TRPC4: variants seen among roughly 807,000 people sequenced by gnomAD.
TRPC4 encodes the protein short transient receptor potential channel 4.
Under a neutral mutation model 99.4 loss-of-function variants are expected in TRPC4, and 49 were observed. The observed-to-expected ratio is 0.49, with a 90% CI of 0.39 to 0.63. TRPC4 has a LOEUF of 0.63. Among genes scored for constraint, TRPC4 ranks in the 20% least tolerant of loss-of-function variants. The pLI, the probability that TRPC4 is intolerant of heterozygous loss-of-function variation, is 0.00. For synonymous variants in TRPC4, 454 were observed against 425.9 expected (o/e 1.07, Z -0.81); for missense variants, 898 against 1,152.9 (o/e 0.78, Z 3.20).
intron 1 of TRPC4, among the ~76,000 whole-genome samples, chr13:37,856,100 T>C (rs931316476): frequency 6.6e-6 from 1 of 151,766 alleles, no homozygotes; most frequent in Non-Finnish European, 1.5e-5. Context: ...AAGTTTGTTT[T>C]TTGAAAAGAT....
rs1179750337 is a variant in TRPC4 at position 37,634,665 on chromosome 13, T to C, written c.*2238A>G. ...TCTGGTAAAGTATGTAAAATGGTTATGTATAGTGTCCTTACTTTGGGAAAA... is the reference window on the plus strand; with the variant it reads ...TCTGGTAAAGTATGTAAAATGGTTACGTATAGTGTCCTTACTTTGGGAAAA... On this transcript the variant is annotated 3_prime_UTR_variant, in exon 11 of 11. Transcript: ENST00000379705. Among the ~76,000 whole-genome samples the C allele has an allele frequency of 1.3e-5, 2 of 152,078 alleles. No individual in the cohort carries two copies. The highest frequency in any genetic ancestry group is 2.9e-5 in the Non-Finnish European group (2 of 67,990).
At chr13:37,840,396 A>G (rs1187772936) in intron 1 of TRPC4, among the ~76,000 whole-genome samples, 1 of 152,118 alleles carries the variant, frequency 6.6e-6, no homozygotes, top group East Asian at 1.9e-4. Context: ...ATAACTATAA[A>G]GGATAATCTT....
Position 37,632,664 on chromosome 13 carries a change from G to A in TRPC4, c.*4239C>T, listed in dbSNP as rs1951421027. Reference sequence around the variant, plus strand: ...CAACTGTACATTGTCCATCTCTAATGTTTTTCAGTTGAGAAGCTTTGATAT... The same window carrying A: ...CAACTGTACATTGTCCATCTCTAATATTTTTCAGTTGAGAAGCTTTGATAT... On this transcript the variant is annotated 3_prime_UTR_variant, in exon 11 of 11. Transcript: ENST00000379705. 6.6e-6 allele frequency among the ~76,000 whole-genome samples: 1 copy of A among 152,108 alleles called. No homozygotes were observed. Among genetic ancestry groups the A allele is most frequent in the African/African-American group, 2.4e-5 (1 of 41,410 alleles).
At chr13:37,685,240 T>C (rs1384975790) in intron 4 of TRPC4, among the ~76,000 whole-genome samples, 1 of 152,184 alleles carries the variant, frequency 6.6e-6, no homozygotes, top group African/African-American at 2.4e-5. Flanking sequence ...GGACACACGT[T>C]CTGAGCTGTT....
At chr13:37,811,528 C>G (rs965255475) in intron 1 of TRPC4, among the ~76,000 whole-genome samples, 1 of 152,172 alleles carries the variant, frequency 6.6e-6, no homozygotes, top group South Asian at 2.1e-4. Context: ...TGGGGAGAGG[C>G]AACACAGCTA....
chr13:37,855,436 G>A (rs917825401), intron 1 of TRPC4, among the ~76,000 whole-genome samples: 3 of 151,140 alleles, frequency 2.0e-5, no homozygotes, highest in African/African-American at 7.3e-5. Flanking sequence ...ATCACAGCTG[G>A]AGATTTCAAC....
chr13:37,800,091 A>T (rs1045341171), intron 1 of TRPC4, among the ~76,000 whole-genome samples: 1 of 152,246 alleles, frequency 6.6e-6, no homozygotes, highest in Non-Finnish European at 1.5e-5. Context: ...ATAAGCGCAT[A>T]TGAATAATTT....
At chr13:37,859,411 T>C (rs7991780) in intron 1 of TRPC4, among the ~76,000 whole-genome samples, 25,959 of 151,138 alleles carry the variant, frequency 0.17, 2,276 homozygotes, top group South Asian at 0.19. Context: ...TGTCAAACAG[T>C]AGAAATAAAA....
chr13:37,716,461 C>T (rs900703400), intron 3 of TRPC4, among the ~76,000 whole-genome samples: 6 of 152,130 alleles, frequency 3.9e-5, no homozygotes, highest in South Asian at 2.1e-4. Context: ...TTTGCCAATA[C>T]GGGGTAGCTC....
rs1375801992 is a variant in TRPC4, at chr13:37,842,352, A to T, written c.-28+27243T>A. ...AATGATAGCGTCTAGCCAAAAAAAAAAAAAAAAAAAAAAAAAAAGGAAAAG... is the reference window on the plus strand; with the variant it reads ...AATGATAGCGTCTAGCCAAAAAAAATAAAAAAAAAAAAAAAAAAGGAAAAG... On this transcript the variant is annotated intron_variant, in intron 1 of 10. Transcript: ENST00000379705. 1.4e-4 allele frequency among the ~76,000 whole-genome samples: 20 copies of T among 142,840 alleles called. 1 individual carries two copies. Among genetic ancestry groups the T allele is most frequent in the East Asian group, 1.2e-3 (6 of 4,992 alleles). The allele number at this position is 142,840 out of a possible 152,430, so 93.7% of individuals were successfully genotyped here. A position where few individuals can be genotyped will look rare whatever the true frequency, so the allele number is the denominator to read the frequency against.
chr13:37,746,442 A>T lies in TRPC4; in HGVS notation c.392T>A (p.Leu131His), dbSNP rs780570099. 1.3e-6 allele frequency: 2 copies of T among 1,549,008 alleles called. No homozygotes were observed. The highest frequency in any genetic ancestry group is 2.4e-5 in the South Asian group (2 of 85,100). Reference sequence around the variant, plus strand: ...GAATTCAGAGAACTGCTTATCAAGGAGTATAGGAGGCACCTAAAAAAAAAA... The same window carrying T: ...GAATTCAGAGAACTGCTTATCAAGGTGTATAGGAGGCACCTAAAAAAAAAA... ...PSGEKQVPPI[L>H]LDKQFSEFTP... is the part of the protein sequence containing the mutation. The change falls in exon 3 of 11, where the codon CTC becomes CAC. Residue 131 changes from leucine to histidine, a missense_variant. This residue lies in a region of TRPC4 where 278 missense variants were observed against 346.6 expected (regional missense o/e 0.80). Coordinates refer to ENST00000379705, the MANE Select transcript of TRPC4 (RefSeq NM_016179.4).
At chr13:37,865,759 G>GT (rs2139738576) in intron 1 of TRPC4, among the ~76,000 whole-genome samples, 1 of 151,724 alleles carries the variant, frequency 6.6e-6, no homozygotes, top group Admixed American at 6.6e-5. Flanking sequence ...TTACCATCAG[G>GT]TAGACGTAGT....
At chr13:37,798,560 A>C (rs986792141) in intron 1 of TRPC4, among the ~76,000 whole-genome samples, 1 of 152,204 alleles carries the variant, frequency 6.6e-6, no homozygotes, top group African/African-American at 2.4e-5. Flanking sequence ...AAAACCTCAT[A>C]GGCTCATGGT....
intron 7 of TRPC4, among the ~76,000 whole-genome samples, chr13:37,653,264 C>A (rs1186687108): frequency 6.6e-6 from 1 of 152,044 alleles, no homozygotes; most frequent in Non-Finnish European, 1.5e-5. Flanking sequence ...AATAAATATT[C>A]AATCAATTAA....
chr13:37,714,596 G>A (rs562268474), intron 3 of TRPC4, among the ~76,000 whole-genome samples: 59 of 152,160 alleles, frequency 3.9e-4, no homozygotes, highest in Non-Finnish European at 4.9e-4. Context: ...AAGAGGACAC[G>A]CCCAATCTCA....
intron 4 of TRPC4, among the ~76,000 whole-genome samples, chr13:37,691,797 T>C (rs1207371279): frequency 6.6e-6 from 1 of 152,168 alleles, no homozygotes; most frequent in Non-Finnish European, 1.5e-5. Flanking sequence ...TAAGGTTACG[T>C]TTCTTAAGCT....
intron 1 of TRPC4, among the ~76,000 whole-genome samples, chr13:37,808,624 C>T (rs910345461): frequency 2.6e-5 from 4 of 151,950 alleles, no homozygotes; most frequent in African/African-American, 4.8e-5. Context: ...AGGGCACATC[C>T]GATGACTAGT....
At chr13:37,642,671 C>A (rs1951752014) in intron 8 of TRPC4, among the ~76,000 whole-genome samples, 2 of 151,906 alleles carry the variant, frequency 1.3e-5, no homozygotes, top group Non-Finnish European at 2.9e-5. Flanking sequence ...ATTATTTACA[C>A]TCTTGGTGCC....
intron 1 of TRPC4, among the ~76,000 whole-genome samples, chr13:37,850,556 T>C (rs1331269999): frequency 6.6e-6 from 1 of 152,196 alleles, no homozygotes; most frequent in East Asian, 1.9e-4. Flanking sequence ...GGTACAATTA[T>C]ATATCTCTAC....
Sources: allele counts gnomAD v4.1 joint callset (sites outside exome capture counted in the v4.1 genomes callset), GRCh38; gene constraint gnomAD v4.1.1; regional missense constraint gnomAD v4.1.1; transcripts MANE v1.5; gene names NCBI Gene and HGNC (gene_info 2026-07-23, HGNC 2026-07-21).